Variants in UNC13B observed in about 807,000 individuals in gnomAD.
The protein encoded by UNC13B is protein unc-13 homolog B.
Under a neutral mutation model 211.0 loss-of-function variants are expected in UNC13B, and 144 were observed. That is an observed-to-expected ratio of 0.68 (90% CI 0.60 to 0.78). UNC13B has a LOEUF of 0.78. Ranked by LOEUF, UNC13B falls within the 30% of genes least tolerant of loss-of-function variation. UNC13B has a pLI of 0.00. For synonymous variants in UNC13B, 709 were observed against 725.8 expected, an observed-to-expected ratio of 0.98 and a Z score of 0.37; for missense variants, 1,777 against 2,002.0, an observed-to-expected ratio of 0.89 and a Z score of 2.14.
At chr9:35,400,467 A>G in intron 37 of UNC13B, 24 bp downstream of exon 37, 2 of 1,606,956 alleles carry the variant, frequency 1.2e-6, no homozygotes, top group Non-Finnish European at 1.7e-6. Flanking sequence ...GGCTTTGGGT[A>G]TCCACCTCTC....
At chr9:35,284,658 T>C (rs977303739) in intron 7 of UNC13B, among the ~76,000 whole-genome samples, 1 of 152,226 alleles carries the variant, frequency 6.6e-6, no homozygotes, top group Non-Finnish European at 1.5e-5. Context: ...AATTATAGGT[T>C]CTTTACTACT....
Position 35,313,850 on chromosome 9 carries a change from CT to C in UNC13B, c.9324-47del, listed in dbSNP as rs570033231. The C allele has an allele frequency of 2.8e-4, 409 of 1,478,200 alleles. 1 individual carries two copies. In the African/African-American group the frequency reaches 4.9e-3, roughly 18 times the overall value. 91.6% of individuals were successfully genotyped at this position (1,478,200 alleles called of 1,614,324 possible). On this transcript the variant is annotated intron_variant, in intron 10 of 39. Coordinates refer to ENST00000635942, the MANE Select transcript of UNC13B (RefSeq NM_001371189.2). ...GCAGTCTTGCCTTGAGCAGTGTCACCTTGTGGCCTTGGCTATTTTTAAGAAA... is the reference window on the plus strand; with the variant it reads ...GCAGTCTTGCCTTGAGCAGTGTCACCTGTGGCCTTGGCTATTTTTAAGAAA...
intron 5 of UNC13B, among the ~76,000 whole-genome samples, chr9:35,240,674 C>T (rs1825757609): frequency 6.6e-6 from 1 of 151,884 alleles, no homozygotes; most frequent in East Asian, 1.9e-4. Context: ...TGTTGTATTA[C>T]TTTTTGACTG....
chr9:35,403,278 G>A lies in UNC13B; in HGVS notation c.12577+19G>A, dbSNP rs1418429801. 6.2e-7 allele frequency: 1 copy of A among 1,613,096 alleles called. No homozygotes were observed. Among genetic ancestry groups the A allele is most frequent in the Non-Finnish European group, 8.5e-7 (1 of 1,179,262 alleles). On this transcript the variant is annotated intron_variant, in intron 38 of 39. Transcript: ENST00000635942. ...GTGAAAGGTGAGTGATGGACTTACA[G>A]GTCTGCCCTTTCCTTGCCCAGTGGC... is the stretch of plus-strand genomic sequence containing the variant.
At chr9:35,364,618 T>C in intron 11 of UNC13B, 1 of 1,525,390 alleles carries the variant, frequency 6.6e-7, no homozygotes, top group Admixed American at 2.0e-5. Flanking sequence ...TTCCCTCCCC[T>C]CCTTCCCAAG....
intron 11 of UNC13B, among the ~76,000 whole-genome samples, chr9:35,337,156 C>T (rs1831710950): frequency 6.6e-6 from 1 of 151,642 alleles, no homozygotes; most frequent in Admixed American, 6.6e-5. Context: ...TTATGTACAT[C>T]TTAGAAATAT....
intron 1 of UNC13B, among the ~76,000 whole-genome samples, chr9:35,182,270 A>T (rs531844669): frequency 2.0e-5 from 3 of 151,946 alleles, no homozygotes; most frequent in Non-Finnish European, 4.4e-5. Context: ...ACTTTTTCTC[A>T]TGTTTAACTT....
At chr9:35,396,026 C>T (rs553411548) in intron 26 of UNC13B, among the ~76,000 whole-genome samples, 2 of 152,262 alleles carry the variant, frequency 1.3e-5, no homozygotes, top group Admixed American at 6.5e-5. Context: ...CCCATTCATG[C>T]CATGTACACC....
chr9:35,243,036 C>A (rs896117363), intron 5 of UNC13B, among the ~76,000 whole-genome samples: 2 of 152,084 alleles, frequency 1.3e-5, no homozygotes, highest in African/African-American at 2.4e-5. Flanking sequence ...AAACTGTGAC[C>A]CTGACCAGAT....
chr9:35,173,358 A>T (rs1458363246), intron 1 of UNC13B, among the ~76,000 whole-genome samples: 1 of 151,802 alleles, frequency 6.6e-6, no homozygotes. Flanking sequence ...TCCCACAATT[A>T]CACCAGAGAG....
At chr9:35,297,301 C>G (rs1179206892) in intron 8 of UNC13B, among the ~76,000 whole-genome samples, 1 of 151,606 alleles carries the variant, frequency 6.6e-6, no homozygotes, top group Non-Finnish European at 1.5e-5. Flanking sequence ...GTTGGTCAAG[C>G]TGGTCTCCAT....
chr9:35,362,754 C>T (rs1260554498), intron 11 of UNC13B, among the ~76,000 whole-genome samples: 8 of 148,812 alleles, frequency 5.4e-5, no homozygotes, highest in African/African-American at 1.7e-4. Flanking sequence ...GAGCCGAGAT[C>T]GCACCACTGC....
Position 35,307,809 on chromosome 9 carries a change from C to G in UNC13B, c.8405C>G (p.Ala2802Gly), listed in dbSNP as rs1254071176. The G allele has an allele frequency of 2.5e-6, 1 of 399,012 alleles. No individual in the cohort carries two copies. Among genetic ancestry groups the G allele is most frequent in the Non-Finnish European group, 4.4e-6 (1 of 226,068 alleles). The allele number at this position is 399,012 out of a possible 1,614,324, so 24.7% of individuals were successfully genotyped here. ...CCTCTCCCCTCTGGCAATAGAGCAG[C>G]AGAGACTGGTTTAATGTCCAGTTTT... ...SSPLPSGNRA[A>G]ETGLMSSFKK... Residue 2802 changes from alanine to glycine, a missense_variant, in exon 9 of 40, where the codon GCA becomes GGA. By Grantham distance (60) the Ala-to-Gly change is moderately conservative. Transcript: ENST00000635942.
intron 1 of UNC13B, among the ~76,000 whole-genome samples, chr9:35,185,284 T>C (rs979213942): frequency 7.2e-5 from 11 of 152,214 alleles, no homozygotes; most frequent in African/African-American, 2.7e-4. Flanking sequence ...GCTAAGATGC[T>C]ATGTCAAGTT....
At chr9:35,378,701 T>C (rs1471758273) in intron 17 of UNC13B, among the ~76,000 whole-genome samples, 4 of 152,092 alleles carry the variant, frequency 2.6e-5, no homozygotes. Flanking sequence ...TTTCTAGCAG[T>C]AGAAAGATTT....
chr9:35,350,880 A>G (rs1832681745), intron 11 of UNC13B, among the ~76,000 whole-genome samples: 1 of 152,198 alleles, frequency 6.6e-6, no homozygotes, highest in African/African-American at 2.4e-5. Context: ...AAAGAAAGAA[A>G]CATTCCATGT....
At chr9:35,291,011 A>G in intron 7 of UNC13B, 1 of 1,528,710 alleles carries the variant, frequency 6.5e-7, no homozygotes, top group Non-Finnish European at 8.9e-7. Flanking sequence ...ATGACTTTTG[A>G]ATTCCTTCAA....
chr9:35,187,981 A>G (rs1464581149), intron 1 of UNC13B, among the ~76,000 whole-genome samples: 5 of 152,236 alleles, frequency 3.3e-5, no homozygotes, highest in Non-Finnish European at 7.3e-5. Context: ...TTTTGTTCAC[A>G]AGAGTATAAC....
At chr9:35,313,786 TGTA>T in intron 10 of UNC13B, 110 bp from the exon 11 acceptor site, 2 of 770,770 alleles carry the variant, frequency 2.6e-6, no homozygotes, top group Non-Finnish European at 4.5e-6. Flanking sequence ...ACTAAATAAG[TGTA>T]GGCATGAGTA....
Sources: allele counts gnomAD v4.1 joint callset (sites outside exome capture counted in the v4.1 genomes callset), GRCh38; gene constraint gnomAD v4.1.1; transcripts MANE v1.5; gene names NCBI Gene and HGNC (gene_info 2026-07-23, HGNC 2026-07-21).